Variants in MTCL1 observed in about 807,000 individuals in gnomAD.
MTCL1 encodes microtubule cross-linking factor 1.
Under a neutral mutation model 141.4 loss-of-function variants are expected in MTCL1, and 79 were observed. The observed-to-expected ratio is 0.56, with a 90% CI of 0.47 to 0.67. The LOEUF (loss-of-function observed/expected upper bound fraction) is 0.67, where lower values mean the gene tolerates loss of function less well. Among genes scored for constraint, MTCL1 ranks in the 30% least tolerant of loss-of-function variants. The probability of loss-of-function intolerance (pLI) is 0.00; values close to 1 mark genes in which losing one functional copy is unlikely to be tolerated. For missense variants in MTCL1, 2,177 were observed against 2,113.9 expected (o/e 1.03, Z -0.59); for synonymous variants, 914 against 875.8 (o/e 1.04, Z -0.77).
chr18:8,778,871 A>G (rs1254194354), intron 5 of MTCL1, among the ~76,000 whole-genome samples: 1 of 152,246 alleles, frequency 6.6e-6, no homozygotes, highest in East Asian at 1.9e-4. Context: ...ATTCTGCCCC[A>G]TTGTGAAATG....
intron 4 of MTCL1, among the ~76,000 whole-genome samples, chr18:8,744,284 C>G (rs1052293370): frequency 1.3e-5 from 2 of 152,244 alleles, no homozygotes; most frequent in Non-Finnish European, 2.9e-5. Context: ...TTCTCCCATT[C>G]TGCTCACTCA....
At chr18:8,729,654 T>C (rs1420196777) in intron 4 of MTCL1, among the ~76,000 whole-genome samples, 1 of 142,992 alleles carries the variant, frequency 7.0e-6, no homozygotes, top group African/African-American at 2.7e-5. Context: ...TCCTCTCACT[T>C]TGGCTTCCCA....
chr18:8,752,608 C>T (rs537693556), intron 4 of MTCL1, among the ~76,000 whole-genome samples: 1 of 152,262 alleles, frequency 6.6e-6, no homozygotes, highest in South Asian at 2.1e-4. Flanking sequence ...TTCCAAGGTT[C>T]TTGGGGGGTA....
chr18:8,755,605 C>T (rs926933267), intron 4 of MTCL1, among the ~76,000 whole-genome samples: 2 of 152,184 alleles, frequency 1.3e-5, no homozygotes, highest in East Asian at 1.9e-4. Context: ...GGACATCTCT[C>T]GGGTGGCCCC....
At chr18:8,821,983 G>T (rs1302214971) in intron 14 of MTCL1, among the ~76,000 whole-genome samples, 1 of 152,150 alleles carries the variant, frequency 6.6e-6, no homozygotes, top group Admixed American at 6.5e-5. Flanking sequence ...TTCCTCCCCA[G>T]TTTAATTTCC....
At chr18:8,737,386 C>T (rs1195537810) in intron 4 of MTCL1, among the ~76,000 whole-genome samples, 5 of 152,192 alleles carry the variant, frequency 3.3e-5, no homozygotes. Flanking sequence ...GGTAATCTCA[C>T]TTCGTACCTG....
chr18:8,748,028 C>G (rs1300477115), intron 4 of MTCL1, among the ~76,000 whole-genome samples: 1 of 152,102 alleles, frequency 6.6e-6, no homozygotes, highest in Non-Finnish European at 1.5e-5. Context: ...TGTTGGTGCC[C>G]CTGGTCTTCC....
At chr18:8,745,426 T>C (rs1191238943) in intron 4 of MTCL1, among the ~76,000 whole-genome samples, 2 of 152,250 alleles carry the variant, frequency 1.3e-5, no homozygotes, top group Non-Finnish European at 2.9e-5. Context: ...TTCTGTCACT[T>C]GGCGGTATGC....
Position 8,706,738 on chromosome 18 carries a change from G to A in MTCL1, c.1053+25G>A, listed in dbSNP as rs75016322. 5.1e-3 allele frequency: 7,814 copies of A among 1,542,710 alleles called. 233 individuals are homozygous for A. In the African/African-American group the frequency reaches 0.078, roughly 15 times the overall value. ...GGTGAGCCGCGCCTCGGCCGCAGGT[G>A]TCCCGGGGCGCCCCCGGAGGGCCTG... is the stretch of plus-strand genomic sequence containing the variant. On this transcript the variant is annotated intron_variant, in intron 1 of 13. Coordinates refer to the MTCL1 transcript ENST00000306329.
At position 8,720,243 on chromosome 18, in the gene MTCL1, ATTAC is replaced by A. The variant is rs1567934940; in HGVS notation, c.199-91_199-88del. On this transcript the variant is annotated intron_variant, in intron 3 of 16. Coordinates refer to ENST00000359865, the Ensembl canonical transcript of MTCL1. ...GGGTCTTTGCTATGTGGTGTAATAT[ATTAC>A]TTAATGATTTTGCCTCTGATGTTGT... is the stretch of plus-strand genomic sequence containing the variant. 2.0e-5 allele frequency: 23 copies of A among 1,177,698 alleles called. 1 individual carries two copies. In the South Asian group the frequency reaches 2.8e-4, roughly 14 times the overall value. 73.0% of individuals were successfully genotyped at this position (1,177,698 alleles called of 1,614,324 possible). A position where few individuals can be genotyped will look rare whatever the true frequency, so the allele number is the denominator to read the frequency against.
chr18:8,737,567 C>T (rs573191681), intron 4 of MTCL1, among the ~76,000 whole-genome samples: 4 of 152,302 alleles, frequency 2.6e-5, no homozygotes, highest in African/African-American at 9.6e-5. Flanking sequence ...CAGAAACCAT[C>T]GAAGATGCCA....
chr18:8,812,981 G>A (rs2076536182), exon 12 of MTCL1: 6 of 1,608,030 alleles, frequency 3.7e-6, no homozygotes, highest in African/African-American at 1.3e-5. Context: ...CTTGACAGCT[G>A]GAAGAGAAGA....
At chr18:8,807,189 G>A in intron 11 of MTCL1, 129 bp downstream of exon 10, 1 of 981,936 alleles carries the variant, frequency 1.0e-6, no homozygotes, top group South Asian at 1.7e-5. Flanking sequence ...GAGAGGAGTG[G>A]CTGCTTGTGT....
rs1162086996 is a variant in MTCL1, at chr18:8,830,952, A to C, written c.*19-655A>C. 1 of 985,774 alleles carries C rather than the reference A, an allele frequency of 1.0e-6. No individual in the cohort carries two copies. Among genetic ancestry groups the C allele is most frequent in the East Asian group, 1.1e-4 (1 of 8,822 alleles). The allele number at this position is 985,774 out of a possible 1,614,324, so 61.1% of individuals were successfully genotyped here. A position where few individuals can be genotyped will look rare whatever the true frequency, so the allele number is the denominator to read the frequency against. On this transcript the variant is annotated intron_variant, in intron 16 of 16. Coordinates refer to ENST00000359865, the Ensembl canonical transcript of MTCL1. The surrounding 1 kb of genome is among the most constrained non-coding windows in gnomAD (Gnocchi z 6.4). Reference sequence around the variant, plus strand: ...GCCTGAAACACAAAACCACCAGTACATTCTGATTCTACCTTTTTAAAATGC... The same window carrying C: ...GCCTGAAACACAAAACCACCAGTACCTTCTGATTCTACCTTTTTAAAATGC...
chr18:8,826,036 G>T, exon 15 of MTCL1: 2 of 1,611,512 alleles, frequency 1.2e-6, no homozygotes, highest in African/African-American at 2.7e-5. Flanking sequence ...GAGGAAGGGG[G>T]AGAGGGCACG....
chr18:8,707,433 G>C (rs2096064414), intron 1 of MTCL1: 1 of 152,606 alleles, frequency 6.6e-6, no homozygotes, highest in Non-Finnish European at 1.5e-5. Flanking sequence ...CACTCTCTGA[G>C]TATTTTCCGG....
intron 4 of MTCL1, among the ~76,000 whole-genome samples, chr18:8,765,936 T>C (rs911001283): frequency 1.3e-5 from 2 of 152,128 alleles, no homozygotes; most frequent in Non-Finnish European, 2.9e-5. Context: ...GAGTCCAGCC[T>C]GATTGCACAA....
At position 8,823,109 on chromosome 18, in the gene MTCL1, G is replaced by A. The variant is rs2076900537; in HGVS notation, c.3189-1590G>A. Among the ~76,000 whole-genome samples, 6 of 151,860 alleles carry A rather than the reference G, an allele frequency of 4.0e-5. No individual in the cohort carries two copies. The South Asian group carries it at 1.2e-3, about 32-fold the overall frequency. ...GATGCGCCCTCCCCACTGTCCCCAT[G>A]TCCTCTGATTCTGACTGCCCGGTAT... On this transcript the variant is annotated intron_variant, in intron 14 of 16. Transcript: ENST00000359865.
At chr18:8,747,015 G>GGCC (rs962071309) in intron 4 of MTCL1, among the ~76,000 whole-genome samples, 1 of 152,098 alleles carries the variant, frequency 6.6e-6, no homozygotes, top group Non-Finnish European at 1.5e-5. Context: ...CGTCACCTGG[G>GGCC]GCCTGGGTAT....
Sources: gnomAD v4.1 joint callset for allele counts (sites outside exome capture counted in the v4.1 genomes callset) on GRCh38, gnomAD v4.1.1 for gene constraint, Gnocchi (gnomAD v3.1) non-coding constraint, MANE v1.5 for transcripts, NCBI Gene and HGNC (gene_info 2026-07-23, HGNC 2026-07-21) for gene names.